SRFBP1: variants seen among roughly 807,000 people sequenced by gnomAD.
The protein encoded by SRFBP1 is serum response factor binding protein 1, also known as serum response factor-binding protein 1.
In SRFBP1, 47 loss-of-function variants were observed where a neutral mutation model predicts 45.5. The ratio of observed to expected loss-of-function variants is 1.03; its 90% CI spans 0.82 to 1.32. SRFBP1 has a LOEUF of 1.32. Ranked by LOEUF, SRFBP1 falls within the 40% of genes most tolerant of loss-of-function variation. The pLI, the probability that SRFBP1 is intolerant of heterozygous loss-of-function variation, is 0.00. For missense variants in SRFBP1, 621 were observed against 484.6 expected (o/e 1.28, Z -2.64); for synonymous variants, 203 against 166.3 (o/e 1.22, Z -1.70).
chr5:122,004,724 T>C lies in SRFBP1; in HGVS notation c.270+10054T>C, dbSNP rs79402060. On this transcript the variant is annotated intron_variant, in intron 4 of 7. Coordinates refer to ENST00000339397, the MANE Select transcript of SRFBP1 (RefSeq NM_152546.3). ...GTTTAGTTTGTTCTTATTTTTCTAA[T>C]TCTTTGAGGTGTAACTTGAAGTTAT... Among the ~76,000 whole-genome samples the C allele has an allele frequency of 5.1e-3, 784 of 152,288 alleles. 19 individuals are homozygous for C. In the East Asian group the frequency reaches 0.053, roughly 10 times the overall value.
downstream of SRFBP1, chr5:122,077,626 G>T: frequency 6.2e-7 from 1 of 1,611,432 alleles, no homozygotes; most frequent in Non-Finnish European, 8.5e-7. The surrounding 1 kb of genome is among the most constrained non-coding windows in gnomAD (Gnocchi z 4.9). Context: ...AGTGACGGGC[G>T]GTGGGCCTGG....
intron 2 of SRFBP1, chr5:122,070,259 G>A: frequency 1.3e-6 from 1 of 791,548 alleles, no homozygotes; most frequent in South Asian, 1.5e-5. Context: ...ATCAAGCAGG[G>A]AAGGGATTTT....
chr5:122,078,301 T>A, downstream of SRFBP1: 2 of 264,080 alleles, frequency 7.6e-6, no homozygotes, highest in African/African-American at 2.2e-5. Flanking sequence ...TTCTGGCACG[T>A]TTGCAAAGTT....
chr5:122,070,866 AG>A, intron 2 of SRFBP1: 1 of 235,682 alleles, frequency 4.2e-6, no homozygotes, highest in Non-Finnish European at 8.1e-6. Flanking sequence ...GGAACAAAAT[AG>A]GCCTCTACCA....
intron 3 of SRFBP1, among the ~76,000 whole-genome samples, chr5:121,985,234 G>GT (rs1251895652): frequency 1.3e-5 from 2 of 151,744 alleles, no homozygotes; most frequent in African/African-American, 4.8e-5. Flanking sequence ...AAGTCTTTCT[G>GT]TAACAGTGAG....
intron 1 of SRFBP1, among the ~76,000 whole-genome samples, chr5:121,973,725 G>C (rs1297167581): frequency 6.6e-6 from 1 of 151,560 alleles, no homozygotes; most frequent in Admixed American, 6.6e-5. Context: ...TAAAAATAAT[G>C]AAAGATTTGT....
intron 2 of SRFBP1, among the ~76,000 whole-genome samples, chr5:122,047,629 A>G (rs1282812075): frequency 6.6e-6 from 1 of 152,152 alleles, no homozygotes; most frequent in Non-Finnish European, 1.5e-5. Flanking sequence ...TCTATAAATT[A>G]CCTTGGGCAG....
At chr5:121,992,830 T>G (rs950670326) in intron 3 of SRFBP1, among the ~76,000 whole-genome samples, 2 of 152,108 alleles carry the variant, frequency 1.3e-5, no homozygotes, top group Non-Finnish European at 2.9e-5. Flanking sequence ...TGTCTTAAGT[T>G]TAATATCTAC....
At chr5:122,038,918 C>G (rs1449717308) in intron 2 of SRFBP1, among the ~76,000 whole-genome samples, 1 of 151,918 alleles carries the variant, frequency 6.6e-6, no homozygotes, top group Non-Finnish European at 1.5e-5. Flanking sequence ...TAAAAAACCC[C>G]AAGGAGGGTA....
chr5:121,971,400 A>T (rs879294465), intron 1 of SRFBP1, among the ~76,000 whole-genome samples: 2 of 151,988 alleles, frequency 1.3e-5, no homozygotes, highest in Admixed American at 6.6e-5. Flanking sequence ...CTTTAGGTGT[A>T]TAACTAAAAG....
intron 2 of SRFBP1, among the ~76,000 whole-genome samples, chr5:122,052,860 T>C (rs540486378): frequency 6.6e-6 from 1 of 152,314 alleles, no homozygotes; most frequent in African/African-American, 2.4e-5. Flanking sequence ...ATTTCTCATT[T>C]GTATGGGCTG....
intron 2 of SRFBP1, among the ~76,000 whole-genome samples, chr5:122,034,008 G>A (rs746723055): frequency 4.6e-5 from 7 of 151,256 alleles, no homozygotes; most frequent in Non-Finnish European, 7.4e-5. Flanking sequence ...GTTTTTAGTA[G>A]AGATGGTGTT....
chr5:122,053,950 A>T (rs192272385), intron 2 of SRFBP1, among the ~76,000 whole-genome samples: 2 of 152,254 alleles, frequency 1.3e-5, no homozygotes, highest in Non-Finnish European at 2.9e-5. Flanking sequence ...AGCATCGCCC[A>T]CTTGACTTCA....
chr5:121,984,758 C>T lies in SRFBP1; in HGVS notation c.198+9371C>T, dbSNP rs188440921. On this transcript the variant is annotated intron_variant, in intron 3 of 7. Coordinates refer to ENST00000339397, the MANE Select transcript of SRFBP1 (RefSeq NM_152546.3). The stretch of plus-strand genomic sequence containing the variant: ...CCTTCAACACGATTTTGAAAAGTTA[C>T]GCTAAAACTAGTAATGACAGAGGGA... Among the ~76,000 whole-genome samples the T allele has an allele frequency of 3.0e-3, 460 of 151,774 alleles. 3 individuals carry two copies. The highest frequency in any genetic ancestry group is 0.017 in the Middle Eastern group (5 of 294).
At chr5:122,025,423 C>T (rs532127687) in intron 7 of SRFBP1, among the ~76,000 whole-genome samples, 3 of 152,126 alleles carry the variant, frequency 2.0e-5, no homozygotes, top group African/African-American at 4.8e-5. Flanking sequence ...AATAAACATA[C>T]GTGTGCATGT....
intron 7 of SRFBP1, among the ~76,000 whole-genome samples, chr5:122,025,834 C>T: frequency 6.6e-6 from 1 of 152,310 alleles, no homozygotes; most frequent in Middle Eastern, 3.4e-3. Flanking sequence ...AGCACGGTGG[C>T]TCATGCCTGT....
chr5:121,962,531 T>C (rs1247521486), intron 1 of SRFBP1, among the ~76,000 whole-genome samples: 2 of 152,266 alleles, frequency 1.3e-5, no homozygotes, highest in East Asian at 3.8e-4. Flanking sequence ...TGAGACTGTA[T>C]GCTCAGTACT....
At chr5:122,033,461 A>G (rs116373689), downstream of SRFBP1, among the ~76,000 whole-genome samples, 1,268 of 151,812 alleles carry the variant, frequency 8.4e-3, 3 homozygotes, top group South Asian at 0.021. Flanking sequence ...ACTTCATCCA[A>G]TATCAGTATT....
intron 3 of SRFBP1, among the ~76,000 whole-genome samples, chr5:121,987,454 A>G (rs188228134): frequency 1.3e-5 from 2 of 152,320 alleles, no homozygotes; most frequent in African/African-American, 4.8e-5. Context: ...GCAGAACAGT[A>G]TTTAGGAAAT....
Sources: gnomAD v4.1 joint callset for allele counts (sites outside exome capture counted in the v4.1 genomes callset) on GRCh38, gnomAD v4.1.1 for gene constraint, Gnocchi (gnomAD v3.1) non-coding constraint, MANE v1.5 for transcripts, NCBI Gene and HGNC (gene_info 2026-07-23, HGNC 2026-07-21) for gene names.